SCN8A: variants seen among roughly 807,000 people sequenced by gnomAD.
SCN8A encodes the protein sodium voltage-gated channel alpha subunit 8.
In SCN8A, 30 loss-of-function variants were observed where a neutral mutation model predicts 184.1. That is an observed-to-expected ratio of 0.16 (90% CI 0.12 to 0.22). The LOEUF (loss-of-function observed/expected upper bound fraction) is 0.22, where lower values mean the gene tolerates loss of function less well. SCN8A is among the 10% of genes least tolerant of loss of function. The pLI, the probability that SCN8A is intolerant of heterozygous loss-of-function variation, is 1.00. For synonymous variants in SCN8A, 852 were observed against 907.0 expected (o/e 0.94, Z 1.09); for missense variants, 1,057 against 2,498.9 (o/e 0.42, Z 12.30).
chr12:51,629,651 T>C lies in SCN8A; in HGVS notation c.-54-33113T>C, dbSNP rs186163366. ...GTACATAATTGATGTGGTGGTGTTC[T>C]GTTTCCTTCCAATTCAGGGAGACTT... On this transcript the variant is annotated intron_variant, in intron 1 of 26. Transcript: ENST00000627620. Among the ~76,000 whole-genome samples the C allele has an allele frequency of 1.7e-3, 262 of 152,104 alleles. 4 individuals are homozygous for C. Among genetic ancestry groups the C allele is most frequent in the Non-Finnish European group, 3.4e-3 (231 of 68,002 alleles).
chr12:51,752,534 A>T (rs1215192370), intron 14 of SCN8A, among the ~76,000 whole-genome samples: 1 of 152,136 alleles, frequency 6.6e-6, no homozygotes, highest in Non-Finnish European at 1.5e-5. Context: ...TGGCAAAGAG[A>T]TCCTTTGTAG....
At chr12:51,735,631 C>T (rs1942312018) in intron 12 of SCN8A, among the ~76,000 whole-genome samples, 1 of 152,158 alleles carries the variant, frequency 6.6e-6, no homozygotes, top group African/African-American at 2.4e-5. Flanking sequence ...GGTTTTCTTC[C>T]TCCATCTCTG....
rs917327564 is a variant in SCN8A, at chr12:51,807,594, G to A, written c.*165G>A. Reference sequence around the variant, plus strand: ...ACGTAACACAGCTGCATCTTGAGCAGTGACCTGCCAAGGGCAAAGGACCCC... The same window carrying A: ...ACGTAACACAGCTGCATCTTGAGCAATGACCTGCCAAGGGCAAAGGACCCC... On this transcript the variant is annotated 3_prime_UTR_variant, in exon 27 of 27. Coordinates refer to ENST00000627620, the MANE Select transcript of SCN8A (RefSeq NM_001330260.2). This position sits in a 1 kb window ranked among gnomAD's most constrained non-coding sequence, Gnocchi z 4.5. The A allele has an allele frequency of 2.5e-5, 19 of 762,396 alleles. No homozygotes were observed. The highest frequency in any genetic ancestry group is 4.0e-5 in the Non-Finnish European group (19 of 470,370). The allele number at this position is 762,396 out of a possible 1,614,324, so 47.2% of individuals were successfully genotyped here. A position where few individuals can be genotyped will look rare whatever the true frequency, so the allele number is the denominator to read the frequency against.
chr12:51,637,617 T>G (rs1178649902), intron 1 of SCN8A, among the ~76,000 whole-genome samples: 1 of 152,156 alleles, frequency 6.6e-6, no homozygotes, highest in Non-Finnish European at 1.5e-5. Flanking sequence ...TCTCTCCAAT[T>G]CTATGAAAGC....
chr12:51,666,332 T>C (rs1025162364), intron 2 of SCN8A, among the ~76,000 whole-genome samples: 1 of 152,160 alleles, frequency 6.6e-6, no homozygotes, highest in Admixed American at 6.5e-5. Context: ...AACAAGAAGA[T>C]CAGAGTGATT....
chr12:51,768,457 G>C (rs917389031), intron 16 of SCN8A, among the ~76,000 whole-genome samples: 1 of 151,746 alleles, frequency 6.6e-6, no homozygotes, highest in South Asian at 2.1e-4. Context: ...TTTTTCTGAC[G>C]TGGGTCCTCT....
chr12:51,745,872 T>A, intron 12 of SCN8A, 31 bp from the exon 13 acceptor site: 1 of 1,528,440 alleles, frequency 6.5e-7, no homozygotes, highest in Non-Finnish European at 8.7e-7. Context: ...CTTAACTCAC[T>A]CTATTTGCTT....
At chr12:51,674,104 G>A (rs925282729) in intron 2 of SCN8A, among the ~76,000 whole-genome samples, 4 of 152,194 alleles carry the variant, frequency 2.6e-5, no homozygotes, top group Non-Finnish European at 5.9e-5. Context: ...GGTTTGGTAA[G>A]ACAGGAGATA....
intron 11 of SCN8A, among the ~76,000 whole-genome samples, chr12:51,719,902 C>A (rs1187588924): frequency 6.6e-6 from 1 of 151,846 alleles, no homozygotes; most frequent in African/African-American, 2.4e-5. Context: ...CGGTGAAACC[C>A]CGTCTCTACT....
intron 25 of SCN8A, 111 bp downstream of exon 25, chr12:51,790,613 A>G (rs764655171): frequency 1.5e-4 from 101 of 681,942 alleles, no homozygotes; most frequent in Admixed American, 4.4e-4. Context: ...TTTGTGCCTA[A>G]TCCTCTCCTC....
At chr12:51,649,406 T>A (rs1940660847) in intron 1 of SCN8A, among the ~76,000 whole-genome samples, 1 of 152,196 alleles carries the variant, frequency 6.6e-6, no homozygotes, top group Non-Finnish European at 1.5e-5. Context: ...AACCCCACAT[T>A]TCCCCTCTAC....
At chr12:51,601,855 G>GTTTTTTTTTTTTTTT (rs938674707) in intron 1 of SCN8A, among the ~76,000 whole-genome samples, 1 of 109,746 alleles carries the variant, frequency 9.1e-6, no homozygotes. Flanking sequence ...CAGAGAAAGG[G>GTTTTTTTTTTTTTTT]TTTTTTTTTT....
intron 2 of SCN8A, among the ~76,000 whole-genome samples, chr12:51,679,721 C>CTTTTTTTTTTTTTTT (rs34564079): frequency 1.3e-4 from 11 of 85,508 alleles, no homozygotes; most frequent in East Asian, 3.7e-4. Context: ...ACTATCTTGC[C>CTTTTTTTTTTTTTTT]TTTTTTTTTT....
rs1938892323 is a variant in SCN8A at position 51,811,422 on chromosome 12, A to C, written c.*3993A>C. ...AGATGACGTCAGCCAACCCAGCTGG[A>C]CTGGCCTTACTTCTGCCTTTTTCAC... is the stretch of plus-strand genomic sequence containing the variant. On this transcript the variant is annotated 3_prime_UTR_variant, in exon 27 of 27. Coordinates refer to ENST00000627620, the MANE Select transcript of SCN8A (RefSeq NM_001330260.2). The C allele has an allele frequency of 6.6e-6, 1 of 152,256 alleles. No homozygotes were observed. Among genetic ancestry groups the C allele is most frequent in the African/African-American group, 2.4e-5 (1 of 41,444 alleles). 9.4% of individuals were successfully genotyped at this position (152,256 alleles called of 1,614,324 possible).
chr12:51,647,141 T>C (rs1250468638), intron 1 of SCN8A, among the ~76,000 whole-genome samples: 3 of 152,066 alleles, frequency 2.0e-5, no homozygotes, highest in African/African-American at 4.8e-5. Context: ...CCCAGGAGTT[T>C]AAGTCCAGCC....
intron 1 of SCN8A, among the ~76,000 whole-genome samples, chr12:51,623,339 G>A (rs967375497): frequency 3.3e-5 from 5 of 152,160 alleles, no homozygotes; most frequent in African/African-American, 9.7e-5. Flanking sequence ...GATTTGCACT[G>A]GTATCTTTGA....
At chr12:51,736,196 T>C (rs564948839) in intron 12 of SCN8A, among the ~76,000 whole-genome samples, 1 of 152,290 alleles carries the variant, frequency 6.6e-6, no homozygotes, top group Non-Finnish European at 1.5e-5. Context: ...TAGAGAAAAA[T>C]GTAGCTAGAG....
chr12:51,641,985 C>G (rs1940465245), intron 1 of SCN8A, among the ~76,000 whole-genome samples: 1 of 152,182 alleles, frequency 6.6e-6, no homozygotes, highest in South Asian at 2.1e-4. Flanking sequence ...ATTGGACATT[C>G]TACTACTAGA....
intron 14 of SCN8A, among the ~76,000 whole-genome samples, 157 bp from the exon 15 acceptor site, chr12:51,762,346 G>A (rs1942774478): frequency 6.6e-6 from 1 of 152,052 alleles, no homozygotes; most frequent in Non-Finnish European, 1.5e-5. Context: ...CATCAGGTGG[G>A]GTGCTCATGA....
Sources: gnomAD v4.1 joint callset for allele counts (sites outside exome capture counted in the v4.1 genomes callset) on GRCh38, gnomAD v4.1.1 for gene constraint, Gnocchi (gnomAD v3.1) non-coding constraint, MANE v1.5 for transcripts, NCBI Gene and HGNC (gene_info 2026-07-23, HGNC 2026-07-21) for gene names.